PRDM1: variants seen among roughly 807,000 people sequenced by gnomAD.
The protein encoded by PRDM1 is PR/SET domain 1, also known as PR domain zinc finger protein 1.
A neutral mutation model predicts 62.8 loss-of-function variants in PRDM1; 13 were observed. The ratio of observed to expected loss-of-function variants is 0.21; its 90% confidence interval spans 0.13 to 0.33. The LOEUF (loss-of-function observed/expected upper bound fraction) is 0.33, where lower values mean the gene tolerates loss of function less well. Ranked by LOEUF, PRDM1 falls within the 10% of genes least tolerant of loss-of-function variation. The pLI, the probability that PRDM1 is intolerant of heterozygous loss-of-function variation, is 1.00. For synonymous variants in PRDM1, 396 were observed against 417.6 expected (o/e 0.95, Z 0.63); for missense variants, 895 against 1,058.8 (o/e 0.85, Z 2.15).
chr6:106,042,111 T>A (rs1329822031), intron 1 of PRDM1, among the ~76,000 whole-genome samples: 1 of 150,270 alleles, frequency 6.7e-6, no homozygotes, highest in Non-Finnish European at 1.5e-5. Flanking sequence ...CCCAGCCCCT[T>A]CATTATATAT....
At chr6:106,094,454 C>A (rs1206108062) in intron 2 of PRDM1, among the ~76,000 whole-genome samples, 3 of 152,112 alleles carry the variant, frequency 2.0e-5, no homozygotes, top group Non-Finnish European at 4.4e-5. Flanking sequence ...TTTTTTACCC[C>A]TTCAAAGAGA....
In PRDM1 at chr6:106,000,486, C is replaced by T. The variant is rs116758031; in HGVS notation, c.-67+6847C>T. On this transcript the variant is annotated intron_variant, in intron 1 of 6. Coordinates refer to the PRDM1 transcript ENST00000652320. ...AAAAATAAAATAAAAAATTAAAATACGTACATTTTTAAATGTTAAAGCCTC... is the reference window on the plus strand; with the variant it reads ...AAAAATAAAATAAAAAATTAAAATATGTACATTTTTAAATGTTAAAGCCTC... Among the ~76,000 whole-genome samples, 1,066 of 152,164 alleles carry T rather than the reference C, an allele frequency of 7.0e-3. 10 individuals carry two copies. The highest frequency in any genetic ancestry group is 0.024 in the African/African-American group (982 of 41,476).
intron 1 of PRDM1, among the ~76,000 whole-genome samples, chr6:106,027,814 C>G (rs1349816951): frequency 1.3e-5 from 2 of 152,180 alleles, no homozygotes; most frequent in African/African-American, 4.8e-5. Flanking sequence ...TTTTTAAACC[C>G]ATGTGAAATG....
At position 106,009,997 on chromosome 6, in the gene PRDM1, C is replaced by T. The variant is rs200833849; in HGVS notation, c.-67+16358C>T. Among the ~76,000 whole-genome samples, 8 of 152,282 alleles carry T rather than the reference C, an allele frequency of 5.3e-5. No homozygotes were observed. In the East Asian group the frequency reaches 1.2e-3, roughly 22 times the overall value. Reference sequence around the variant, plus strand: ...CCTCCCAAAGTGCTGGGATTACAGACGTGAGCCACCATGCCTGGCCCTTCC... The same window carrying T: ...CCTCCCAAAGTGCTGGGATTACAGATGTGAGCCACCATGCCTGGCCCTTCC... On this transcript the variant is annotated intron_variant, in intron 1 of 6. Transcript: ENST00000652320.
chr6:106,018,440 C>G (rs1772651771), intron 1 of PRDM1, among the ~76,000 whole-genome samples: 1 of 152,138 alleles, frequency 6.6e-6, no homozygotes, highest in Admixed American at 6.5e-5. Context: ...AACTGAAATC[C>G]ATACTTCATT....
upstream of PRDM1, among the ~76,000 whole-genome samples, chr6:106,085,997 G>A (rs1354889757): frequency 1.3e-5 from 2 of 152,306 alleles, no homozygotes; most frequent in African/African-American, 2.4e-5. Context: ...TTTGAGCTGA[G>A]AAATCAGAAA....
At chr6:106,063,753 C>T (rs1318276166) in intron 1 of PRDM1, among the ~76,000 whole-genome samples, 1 of 152,102 alleles carries the variant, frequency 6.6e-6, no homozygotes, top group Admixed American at 6.6e-5. Flanking sequence ...GGGTAGAAGG[C>T]AGAAATGTGT....
chr6:106,030,450 G>A (rs1021473512), intron 1 of PRDM1, among the ~76,000 whole-genome samples: 21 of 152,224 alleles, frequency 1.4e-4, no homozygotes, highest in African/African-American at 4.8e-4. Flanking sequence ...TGGGATTATA[G>A]CAGTGAGCCA....
In PRDM1 at chr6:106,106,549, G is replaced by A. The variant is rs1322427004; in HGVS notation, c.1902+50G>A. Reference sequence around the variant, plus strand: ...CTTCTGACCTTTGTAGAAAATGTCTGTGAGTCACCCTCCCATGTCCTATAT... The same window carrying A: ...CTTCTGACCTTTGTAGAAAATGTCTATGAGTCACCCTCCCATGTCCTATAT... On this transcript the variant is annotated intron_variant, in intron 6 of 6. Coordinates refer to ENST00000369096, the MANE Select transcript of PRDM1 (RefSeq NM_001198.4). This position sits in a 1 kb window ranked among gnomAD's most constrained non-coding sequence, Gnocchi z 4.4. 2 of 1,609,272 alleles carry A rather than the reference G, an allele frequency of 1.2e-6. No individual in the cohort carries two copies. Among genetic ancestry groups the A allele is most frequent in the African/African-American group, 1.3e-5 (1 of 74,866 alleles).
At chr6:106,072,308 T>C (rs1773531606) in intron 1 of PRDM1, 1 of 152,156 alleles carries the variant, frequency 6.6e-6, no homozygotes, top group Non-Finnish European at 1.5e-5. Context: ...TTAGGGCTAT[T>C]TTGGGGTGTA....
At chr6:106,067,345 T>C (rs1279693167) in intron 1 of PRDM1, among the ~76,000 whole-genome samples, 1 of 152,166 alleles carries the variant, frequency 6.6e-6, no homozygotes, top group Non-Finnish European at 1.5e-5. Flanking sequence ...ATGTATGATG[T>C]TGGGTTTCCT....
At chr6:106,102,419 A>G (rs1381124696) in intron 4 of PRDM1, among the ~76,000 whole-genome samples, 2 of 152,208 alleles carry the variant, frequency 1.3e-5, no homozygotes, top group Non-Finnish European at 2.9e-5. Context: ...GGAGGCTAAC[A>G]TGTCACTCTG....
intron 1 of PRDM1, among the ~76,000 whole-genome samples, chr6:106,055,164 C>T (rs1290925880): frequency 6.6e-6 from 1 of 152,158 alleles, no homozygotes; most frequent in African/African-American, 2.4e-5. Flanking sequence ...AAAATCACTG[C>T]TAATTGAACC....
At chr6:106,041,788 C>T (rs369525356) in intron 1 of PRDM1, among the ~76,000 whole-genome samples, 139 of 151,128 alleles carry the variant, frequency 9.2e-4, no homozygotes, top group African/African-American at 2.9e-3. Context: ...ATGGTGGCAT[C>T]GTTCTTCCTA....
At chr6:106,006,474 C>G (rs2114546404) in intron 1 of PRDM1, among the ~76,000 whole-genome samples, 1 of 148,704 alleles carries the variant, frequency 6.7e-6, no homozygotes, top group Non-Finnish European at 1.5e-5. Context: ...GCTTGAGATT[C>G]TCAACATCAT....
chr6:106,006,455 T>G (rs1231366917), intron 1 of PRDM1, among the ~76,000 whole-genome samples: 3 of 148,494 alleles, frequency 2.0e-5, no homozygotes, highest in Non-Finnish European at 4.6e-5. Context: ...ACCTAAACTC[T>G]ACATTGAAGC....
At chr6:106,002,742 GTTATAA>G (rs1490887411) in intron 1 of PRDM1, among the ~76,000 whole-genome samples, 17 of 152,106 alleles carry the variant, frequency 1.1e-4, no homozygotes, top group Admixed American at 1.1e-3. Context: ...TTCATTCCGT[GTTATAA>G]CTTATCAAGG....
At chr6:106,078,957 T>C (rs1773646376) in intron 1 of PRDM1, among the ~76,000 whole-genome samples, 1 of 151,582 alleles carries the variant, frequency 6.6e-6, no homozygotes, top group African/African-American at 2.4e-5. Flanking sequence ...ATTATTATTA[T>C]CATTATTATT....
intron 1 of PRDM1, among the ~76,000 whole-genome samples, chr6:106,031,581 A>T (rs1772845151): frequency 6.6e-6 from 1 of 152,208 alleles, no homozygotes; most frequent in Admixed American, 6.5e-5. Context: ...CAGAAGATTG[A>T]GGATGAAAGT....
Sources: gnomAD v4.1 joint callset for allele counts (sites outside exome capture counted in the v4.1 genomes callset) on GRCh38, gnomAD v4.1.1 for gene constraint, Gnocchi (gnomAD v3.1) non-coding constraint, MANE v1.5 for transcripts, NCBI Gene and HGNC (gene_info 2026-07-23, HGNC 2026-07-21) for gene names.